The following SLC35B3 variants were observed in gnomAD, a reference collection of about 807,000 sequenced individuals.
SLC35B3 encodes adenosine 3'-phospho 5'-phosphosulfate transporter 2.
SLC35B3 carries 35 observed loss-of-function variants against 44.1 expected under a neutral mutation model. The observed-to-expected ratio is 0.79, with a 90% CI of 0.61 to 1.05. SLC35B3 has a LOEUF of 1.05. Among genes scored for constraint, SLC35B3 ranks in the 50% least tolerant of loss-of-function variants. The pLI is 0.00. For missense variants in SLC35B3, 414 were observed against 476.4 expected, an observed-to-expected ratio of 0.87 and a Z score of 1.22; for synonymous variants, 146 against 167.3, an observed-to-expected ratio of 0.87 and a Z score of 0.98.
chr6:8,417,051 C>T (rs1762476487), intron 8 of SLC35B3, 56 bp from the exon 8 acceptor site: 3 of 936,628 alleles, frequency 3.2e-6, no homozygotes, highest in Admixed American at 2.6e-5. Context: ...CGAGGTATTA[C>T]AAATAAAATA....
In SLC35B3 at chr6:8,435,011, C is replaced by A; in HGVS notation, c.-44+332G>T. ...AACTGTAAATACAGTCTAGAGGTAT[C>A]CAGGTGACTGACAGTTCTCCAGAGA... On this transcript the variant is annotated intron_variant, in intron 1 of 10. Coordinates refer to ENST00000644923, the MANE Select transcript of SLC35B3 (RefSeq NM_001370476.2). This position sits in a 1 kb window ranked among gnomAD's most constrained non-coding sequence, Gnocchi z 5.5. 2.0e-6 allele frequency: 2 copies of A among 990,426 alleles called. No homozygotes were observed. The highest frequency in any genetic ancestry group is 2.6e-6 in the Non-Finnish European group (2 of 760,172). The allele number at this position is 990,426 out of a possible 1,614,324, so 61.4% of individuals were successfully genotyped here.
In SLC35B3 at chr6:8,419,716, C is replaced by A; in HGVS notation, c.683-39G>T. 1 of 1,203,208 alleles carries A rather than the reference C, an allele frequency of 8.3e-7. No homozygotes were observed. Among genetic ancestry groups the A allele is most frequent in the Non-Finnish European group, 1.2e-6 (1 of 866,082 alleles). 74.5% of individuals were successfully genotyped at this position (1,203,208 alleles called of 1,614,324 possible). A position where few individuals can be genotyped will look rare whatever the true frequency, so the allele number is the denominator to read the frequency against. ...TTAAAAAAACAAACAAAAAAACCCT[C>A]CTTATTTAAACATATGAACTATAAT... On this transcript the variant is annotated intron_variant, in intron 6 of 10. Transcript: ENST00000644923. The surrounding 1 kb of genome is among the most constrained non-coding windows in gnomAD (Gnocchi z 4.3).
chr6:8,415,480 C>T (rs980023983), intron 9 of SLC35B3, among the ~76,000 whole-genome samples: 8 of 152,138 alleles, frequency 5.3e-5, no homozygotes, highest in East Asian at 3.8e-4. Context: ...TCTGCTGTAA[C>T]GCTGGAAGCC....
intron 4 of SLC35B3, 137 bp downstream of exon 3, chr6:8,427,793 TGTATTTA>T: frequency 1.7e-6 from 1 of 592,152 alleles, no homozygotes; most frequent in Non-Finnish European, 2.8e-6. Context: ...ATGAATAAAA[TGTATTTA>T]GTATTAAGTT....
intron 9 of SLC35B3, among the ~76,000 whole-genome samples, chr6:8,415,933 C>T (rs1224378040): frequency 1.3e-5 from 2 of 152,038 alleles, no homozygotes; most frequent in Non-Finnish European, 2.9e-5. Flanking sequence ...ATGAAGATGG[C>T]ACAGTGGACA....
intron 4 of SLC35B3, among the ~76,000 whole-genome samples, chr6:8,422,907 G>GTTT (rs57405337): frequency 6.8e-6 from 1 of 146,254 alleles, no homozygotes; most frequent in Non-Finnish European, 1.5e-5. Context: ...TTGACAAAAG[G>GTTT]TTTTTTTTTT....
rs983987435 is a variant in SLC35B3 at position 8,412,074 on chromosome 6, G to A, written c.*1475C>T. Among the ~76,000 whole-genome samples, 9 of 152,114 alleles carry A rather than the reference G, an allele frequency of 5.9e-5. No homozygotes were observed. On this transcript the variant is annotated 3_prime_UTR_variant, in exon 11 of 11. Coordinates refer to ENST00000644923, the MANE Select transcript of SLC35B3 (RefSeq NM_001370476.2). ...TTTGGGAGGTGATAAGGTCATGAGG[G>A]CAGAGTCCTTGAAAATGGGATTAGC...
intron 4 of SLC35B3, among the ~76,000 whole-genome samples, chr6:8,424,386 G>T (rs527317726): frequency 6.6e-6 from 1 of 152,248 alleles, no homozygotes; most frequent in Admixed American, 6.5e-5. Flanking sequence ...CTGACCTCCT[G>T]AGTAGCTAGG....
In SLC35B3 at chr6:8,433,785, A is replaced by C. The variant is rs2113575425; in HGVS notation, c.3+600T>G. Among the ~76,000 whole-genome samples the C allele has an allele frequency of 6.6e-6, 1 of 152,248 alleles. No individual in the cohort carries two copies. The highest frequency in any genetic ancestry group is 2.1e-4 in the South Asian group (1 of 4,828). Reference sequence around the variant, plus strand: ...ATGCTGTTTTATTAATAAGAACATCACTGGTGAGAAAGTGTGACTGATAAA... The same window carrying C: ...ATGCTGTTTTATTAATAAGAACATCCCTGGTGAGAAAGTGTGACTGATAAA... On this transcript the variant is annotated intron_variant, in intron 2 of 10. Coordinates refer to ENST00000644923, the MANE Select transcript of SLC35B3 (RefSeq NM_001370476.2). This position sits in a 1 kb window ranked among gnomAD's most constrained non-coding sequence, Gnocchi z 4.1.
chr6:8,417,895 A>G (rs1049513136), intron 7 of SLC35B3, among the ~76,000 whole-genome samples: 4 of 152,208 alleles, frequency 2.6e-5, no homozygotes, highest in Non-Finnish European at 5.9e-5. Context: ...AATAAGCAGC[A>G]TATGGCATAT....
At chr6:8,422,727 CT>C in intron 4 of SLC35B3, 103 bp from the exon 4 acceptor site, 1 of 883,802 alleles carries the variant, frequency 1.1e-6, no homozygotes, top group Non-Finnish European at 1.7e-6. Context: ...TTTCTAATTT[CT>C]GGTTACTATT....
Position 8,435,272 on chromosome 6 carries a change from A to C in SLC35B3, c.-44+71T>G, listed in dbSNP as rs1270332186. On this transcript the variant is annotated intron_variant, in intron 1 of 10. Transcript: ENST00000644923. This position sits in a 1 kb window ranked among gnomAD's most constrained non-coding sequence, Gnocchi z 5.5. ...CTCCTTCTGGATGAGGAAGATGGGC[A>C]GTGTCAAGGTTTTCTGGAGGAGAGG... is the stretch of plus-strand genomic sequence containing the variant. The C allele has an allele frequency of 1.6e-6, 2 of 1,289,354 alleles. No homozygotes were observed. 79.9% of individuals were successfully genotyped at this position (1,289,354 alleles called of 1,614,324 possible).
intron 3 of SLC35B3, 148 bp downstream of exon 2, chr6:8,429,716 A>G: frequency 2.3e-6 from 1 of 432,026 alleles, no homozygotes; most frequent in Non-Finnish European, 3.8e-6. Flanking sequence ...TCTGTTAAGA[A>G]GCTCTTTTCT....
chr6:8,414,273 C>T (rs1762216875), intron 10 of SLC35B3, among the ~76,000 whole-genome samples: 1 of 152,102 alleles, frequency 6.6e-6, no homozygotes, highest in Non-Finnish European at 1.5e-5. Context: ...ATGTTTCCCT[C>T]CAAACTTATA....
At chr6:8,425,496 G>C (rs1485396093) in intron 4 of SLC35B3, among the ~76,000 whole-genome samples, 1 of 151,926 alleles carries the variant, frequency 6.6e-6, no homozygotes, top group East Asian at 1.9e-4. Flanking sequence ...AATCATGATA[G>C]AACATAAAAA....
intron 4 of SLC35B3, among the ~76,000 whole-genome samples, chr6:8,424,853 T>C (rs1006743018): frequency 6.6e-6 from 1 of 152,136 alleles, no homozygotes; most frequent in Non-Finnish European, 1.5e-5. Context: ...TCAACGAGTA[T>C]TGATGTACTT....
rs1764281699 is a variant in SLC35B3 at position 8,434,361 on chromosome 6, A to T, written c.3+24T>A. On this transcript the variant is annotated intron_variant, in intron 2 of 10. Transcript: ENST00000644923. The surrounding 1 kb of genome is among the most constrained non-coding windows in gnomAD (Gnocchi z 6.3). ...TTTTAACTATACTTTGCCACACTCA[A>T]CGTTACAAATAAAAGAATCTTACCA... 1.2e-6 allele frequency: 2 copies of T among 1,609,910 alleles called. No homozygotes were observed. The highest frequency in any genetic ancestry group is 1.7e-5 in the Admixed American group (1 of 59,962).
In SLC35B3 at chr6:8,432,572, G is replaced by T. The variant is rs1764094952; in HGVS notation, c.3+1813C>A. The stretch of plus-strand genomic sequence containing the variant: ...TTGACAGATATGAGTTCAAGATCTG[G>T]CTTTACTACTTATTAGCTGAGGAGC... On this transcript the variant is annotated intron_variant, in intron 2 of 10. Transcript: ENST00000644923. This position sits in a 1 kb window ranked among gnomAD's most constrained non-coding sequence, Gnocchi z 4.8. 6.6e-6 allele frequency among the ~76,000 whole-genome samples: 1 copy of T among 152,056 alleles called. No homozygotes were observed. The highest frequency in any genetic ancestry group is 2.4e-5 in the African/African-American group (1 of 41,406).
In SLC35B3 at chr6:8,432,281, G is replaced by T. The variant is rs549060917; in HGVS notation, c.3+2104C>A. Among the ~76,000 whole-genome samples the T allele has an allele frequency of 6.6e-6, 1 of 151,704 alleles. No homozygotes were observed. Among genetic ancestry groups the T allele is most frequent in the South Asian group, 2.1e-4 (1 of 4,804 alleles). On this transcript the variant is annotated intron_variant, in intron 2 of 10. Transcript: ENST00000644923. The surrounding 1 kb of genome is among the most constrained non-coding windows in gnomAD (Gnocchi z 4.8). ...TATGAGCAAAACTGAAAATCTTATA[G>T]AAAAAGAGTGGGGAAAATTTACAAA...
Sources: gnomAD v4.1 joint callset for allele counts (sites outside exome capture counted in the v4.1 genomes callset) on GRCh38, gnomAD v4.1.1 for gene constraint, Gnocchi (gnomAD v3.1) non-coding constraint, MANE v1.5 for transcripts, NCBI Gene and HGNC (gene_info 2026-07-23, HGNC 2026-07-21) for gene names.